Variants in ABCC12 observed in about 807,000 individuals in gnomAD.
ABCC12 encodes the protein ATP binding cassette subfamily C member 12.
In ABCC12, 142 loss-of-function variants were observed where a neutral mutation model predicts 151.1. That is an observed-to-expected ratio of 0.94 (90% CI 0.82 to 1.08). The LOEUF (loss-of-function observed/expected upper bound fraction) is 1.08. ABCC12 is among the 50% of genes least tolerant of loss of function. The pLI, the probability that ABCC12 is intolerant of heterozygous loss-of-function variation, is 0.00. For missense variants in ABCC12, 1,638 were observed against 1,691.1 expected (o/e 0.97, Z 0.55); for synonymous variants, 645 against 646.4 (o/e 1.00, Z 0.03).
chr16:48,096,950 A>C, intron 23 of ABCC12, 48 bp from the exon 24 acceptor site: 4 of 1,613,108 alleles, frequency 2.5e-6, no homozygotes, highest in Non-Finnish European at 3.4e-6. Context: ...CAAGAAAATC[A>C]GAAAAAGCAG....
intron 23 of ABCC12, among the ~76,000 whole-genome samples, chr16:48,099,700 A>G (rs1963235090): frequency 1.3e-5 from 2 of 152,116 alleles, no homozygotes; most frequent in Non-Finnish European, 1.5e-5. Flanking sequence ...GGACCATAAA[A>G]TCCCCCTGGG....
intron 24 of ABCC12, among the ~76,000 whole-genome samples, chr16:48,092,292 G>A (rs1192064639): frequency 1.3e-5 from 2 of 152,224 alleles, no homozygotes; most frequent in Non-Finnish European, 2.9e-5. Flanking sequence ...GGGGAAGAGA[G>A]GCCACCCATA....
chr16:48,112,376 A>G (rs9933094), intron 15 of ABCC12, among the ~76,000 whole-genome samples: 8,725 of 152,164 alleles, frequency 0.057, 828 homozygotes, highest in African/African-American at 0.2. Context: ...CGGGTGGATC[A>G]CCTAAGGTCA....
intron 1 of ABCC12, among the ~76,000 whole-genome samples, chr16:48,155,470 C>A (rs1342267026): frequency 6.6e-6 from 1 of 150,920 alleles, no homozygotes; most frequent in African/African-American, 2.4e-5. Flanking sequence ...AGGTATAAAT[C>A]CCATAATTAA....
chr16:48,140,347 C>T (rs2150671853), intron 6 of ABCC12, among the ~76,000 whole-genome samples: 1 of 152,256 alleles, frequency 6.6e-6, no homozygotes, highest in Non-Finnish European at 1.5e-5. Context: ...TTATTGGAGC[C>T]ATCAGTTCAT....
intron 15 of ABCC12, among the ~76,000 whole-genome samples, chr16:48,112,326 T>C (rs1306088070): frequency 2.6e-5 from 4 of 152,202 alleles, no homozygotes; most frequent in Non-Finnish European, 5.9e-5. Context: ...CCAGGCGCAG[T>C]GGCTCACACC....
intron 18 of ABCC12, among the ~76,000 whole-genome samples, chr16:48,109,822 GCT>G (rs1963625169): frequency 6.6e-6 from 1 of 152,260 alleles, no homozygotes; most frequent in Admixed American, 6.5e-5. Flanking sequence ...TGCCGCTGAT[GCT>G]CTGTTTGCCT....
In ABCC12 at chr16:48,096,887, A is replaced by G; in HGVS notation, c.3054T>C (p.Phe1018=). The G allele has an allele frequency of 1.2e-6, 2 of 1,614,200 alleles. No homozygotes were observed. Among genetic ancestry groups the G allele is most frequent in the South Asian group, 2.2e-5 (2 of 91,082 alleles). ...ESCITYHLLY[F]NCALRWFALR... ...GCGCAAACCACCTGAGAGCACAGTT[A>G]AAGTAGAGGAGGTGACTGGAGTTTT... The change falls in exon 24 of 31, where the codon TTT becomes TTC. Residue 1018 remains phenylalanine, a synonymous_variant. Coordinates refer to ENST00000311303, the MANE Select transcript of ABCC12 (RefSeq NM_001393797.1).
intron 11 of ABCC12, among the ~76,000 whole-genome samples, chr16:48,127,889 C>G (rs1964292308): frequency 6.6e-6 from 1 of 151,978 alleles, no homozygotes; most frequent in Non-Finnish European, 1.5e-5. Flanking sequence ...CATAGCAAGA[C>G]CCCATCTCTA....
rs1354068045 is a variant in ABCC12, at chr16:48,083,339, T to A, written c.*376A>T. 4.9e-6 allele frequency: 1 copy of A among 203,100 alleles called. No homozygotes were observed. The highest frequency in any genetic ancestry group is 2.3e-5 in the African/African-American group (1 of 42,628). 12.6% of individuals were successfully genotyped at this position (203,100 alleles called of 1,614,324 possible). A position where few individuals can be genotyped will look rare whatever the true frequency, so the allele number is the denominator to read the frequency against. On this transcript the variant is annotated 3_prime_UTR_variant, in exon 31 of 31. Coordinates refer to ENST00000311303, the MANE Select transcript of ABCC12 (RefSeq NM_001393797.1). ...GGGCAAGGAAACCTTGCAAACTCCA[T>A]CCTAAGGCATTTTCCCATGTTGTTT...
intron 28 of ABCC12, 36 bp downstream of exon 28, chr16:48,086,705 G>A: frequency 6.4e-7 from 1 of 1,572,906 alleles, no homozygotes; most frequent in Non-Finnish European, 8.7e-7. Context: ...GTGGTGCTGG[G>A]AAACAAACTC....
chr16:48,133,914 T>C, intron 8 of ABCC12, 79 bp from the exon 9 acceptor site: 1 of 1,546,510 alleles, frequency 6.5e-7, no homozygotes, highest in Non-Finnish European at 8.8e-7. Context: ...TAGCCCTACT[T>C]GGTCCTCTTC....
At chr16:48,142,861 G>A (rs2150676255) in intron 4 of ABCC12, among the ~76,000 whole-genome samples, 1 of 152,274 alleles carries the variant, frequency 6.6e-6, no homozygotes, top group East Asian at 1.9e-4. Flanking sequence ...GGTAAGAAGA[G>A]GTACTGATCT....
At chr16:48,151,605 G>A (rs577766611) in intron 2 of ABCC12, among the ~76,000 whole-genome samples, 1 of 152,170 alleles carries the variant, frequency 6.6e-6, no homozygotes, top group Non-Finnish European at 1.5e-5. Context: ...TGGGGTACTG[G>A]AGAACTCTGT....
chr16:48,093,497 C>T (rs547611173), intron 24 of ABCC12, among the ~76,000 whole-genome samples: 44 of 152,294 alleles, frequency 2.9e-4, no homozygotes, highest in African/African-American at 9.6e-4. Flanking sequence ...CCCCTTCCGA[C>T]AGCCACATTC....
chr16:48,096,467 T>G (rs1240674746), intron 24 of ABCC12, among the ~76,000 whole-genome samples: 2 of 152,198 alleles, frequency 1.3e-5, no homozygotes. Context: ...GGCCAGGAAA[T>G]GCTTTCTTTC....
intron 23 of ABCC12, among the ~76,000 whole-genome samples, chr16:48,100,097 T>G (rs1023795078): frequency 6.6e-5 from 10 of 151,938 alleles, no homozygotes; most frequent in Non-Finnish European, 1.5e-4. Flanking sequence ...GTAGCTGACA[T>G]TACAGGTGCC....
At chr16:48,127,482 T>C (rs945056941) in intron 11 of ABCC12, among the ~76,000 whole-genome samples, 20 of 152,194 alleles carry the variant, frequency 1.3e-4, no homozygotes, top group African/African-American at 4.6e-4. Flanking sequence ...TTGCTTGTTA[T>C]CTCAGTTTGC....
chr16:48,138,130 C>T (rs1964672565), intron 8 of ABCC12, 98 bp downstream of exon 8: 2 of 1,370,550 alleles, frequency 1.5e-6, no homozygotes, highest in Non-Finnish European at 1.9e-6. Flanking sequence ...TCCCCTCAGC[C>T]TCCTTCTGGA....
Sources: gnomAD v4.1 joint callset for allele counts (sites outside exome capture counted in the v4.1 genomes callset) on GRCh38, gnomAD v4.1.1 for gene constraint, MANE v1.5 for transcripts, NCBI Gene and HGNC (gene_info 2026-07-23, HGNC 2026-07-21) for gene names.